The following MRPS28 variants were observed in gnomAD, a reference collection of about 807,000 sequenced individuals.
MRPS28 encodes the protein small ribosomal subunit protein bS1m.
A neutral mutation model predicts 10.8 loss-of-function variants in MRPS28; 7 were observed. The observed-to-expected ratio is 0.65, with a 90% CI of 0.37 to 1.22. The LOEUF (loss-of-function observed/expected upper bound fraction) is 1.22, where lower values mean the gene tolerates loss of function less well. Among genes scored for constraint, MRPS28 ranks in the 50% most tolerant of loss-of-function variants. The pLI is 0.02. For missense variants in MRPS28, 265 were observed against 232.9 expected (o/e 1.14, Z -0.90); for synonymous variants, 121 against 93.3 (o/e 1.30, Z -1.71).
At chr8:79,941,199 G>A (rs1806757527) in intron 2 of MRPS28, among the ~76,000 whole-genome samples, 1 of 152,074 alleles carries the variant, frequency 6.6e-6, no homozygotes, top group Non-Finnish European at 1.5e-5. Context: ...TCAACTCTAG[G>A]AAAGATCTGT....
intron 2 of MRPS28, among the ~76,000 whole-genome samples, chr8:79,930,801 A>G (rs1806441961): frequency 6.6e-6 from 1 of 152,194 alleles, no homozygotes; most frequent in Non-Finnish European, 1.5e-5. Context: ...CTTTGTTCTA[A>G]ATGCTAATAT....
chr8:79,995,950 A>C (rs1808491017), intron 2 of MRPS28, among the ~76,000 whole-genome samples: 1 of 152,194 alleles, frequency 6.6e-6, no homozygotes, highest in Non-Finnish European at 1.5e-5. Context: ...GAGATAACAC[A>C]AAACTGCAGA....
At chr8:80,018,675 T>C (rs1226100267) in intron 1 of MRPS28, among the ~76,000 whole-genome samples, 1 of 152,230 alleles carries the variant, frequency 6.6e-6, no homozygotes, top group Non-Finnish European at 1.5e-5. Context: ...GAAATCAGTA[T>C]ACTGAAGAGA....
chr8:79,946,574 T>C (rs918948648), intron 2 of MRPS28, among the ~76,000 whole-genome samples: 3 of 152,054 alleles, frequency 2.0e-5, no homozygotes, highest in African/African-American at 4.8e-5. Context: ...ATAGCTTACT[T>C]GGGGAAAAAA....
intron 1 of MRPS28, among the ~76,000 whole-genome samples, chr8:80,027,315 AT>A (rs1335247377): frequency 6.6e-6 from 1 of 152,228 alleles, no homozygotes; most frequent in African/African-American, 2.4e-5. Context: ...TTGAAGCATT[AT>A]CTCCACTTTG....
intron 2 of MRPS28, among the ~76,000 whole-genome samples, chr8:79,969,320 G>A (rs1347198818): frequency 6.6e-6 from 1 of 152,118 alleles, no homozygotes; most frequent in Non-Finnish European, 1.5e-5. Context: ...CACTTGATAG[G>A]AAGAAACAAT....
intron 2 of MRPS28, among the ~76,000 whole-genome samples, chr8:79,932,375 C>A (rs966338813): frequency 6.6e-6 from 1 of 152,106 alleles, no homozygotes; most frequent in Non-Finnish European, 1.5e-5. Flanking sequence ...AGAAAAGGAG[C>A]CAGCTGTGCA....
intron 2 of MRPS28, among the ~76,000 whole-genome samples, chr8:79,978,261 C>T (rs1807853769): frequency 6.6e-6 from 1 of 152,086 alleles, no homozygotes; most frequent in Non-Finnish European, 1.5e-5. Flanking sequence ...TAGGCTTATA[C>T]TTAATGTTTT....
At chr8:80,009,160 CA>C (rs1808953815) in intron 1 of MRPS28, among the ~76,000 whole-genome samples, 2 of 152,122 alleles carry the variant, frequency 1.3e-5, no homozygotes, top group South Asian at 4.1e-4. Context: ...TCATTCTCAG[CA>C]AACTATTGCA....
intron 1 of MRPS28, among the ~76,000 whole-genome samples, chr8:80,007,451 G>A (rs1808884806): frequency 2.0e-5 from 3 of 152,098 alleles, no homozygotes; most frequent in African/African-American, 7.2e-5. Context: ...GAAATAAAGG[G>A]TATTCAATTA....
At chr8:79,949,756 C>T (rs987518917) in intron 2 of MRPS28, among the ~76,000 whole-genome samples, 5 of 152,022 alleles carry the variant, frequency 3.3e-5, no homozygotes, top group Non-Finnish European at 7.4e-5. Flanking sequence ...TGTCAATGAA[C>T]ACCAAGTCTC....
At chr8:79,962,535 T>C (rs1807398618) in intron 2 of MRPS28, among the ~76,000 whole-genome samples, 2 of 152,236 alleles carry the variant, frequency 1.3e-5, no homozygotes, top group African/African-American at 4.8e-5. Flanking sequence ...GTCTTAAAAC[T>C]TTTCGTCTAT....
At chr8:79,919,191 A>C in intron 2 of MRPS28, 43 bp from the exon 3 acceptor site, 4 of 1,457,802 alleles carry the variant, frequency 2.7e-6, no homozygotes, top group Non-Finnish European at 3.7e-6. Flanking sequence ...TCTGAATATC[A>C]TAACATGAAC....
chr8:79,994,630 CCTTA>C (rs1180234806), intron 2 of MRPS28, among the ~76,000 whole-genome samples: 19 of 152,114 alleles, frequency 1.2e-4, no homozygotes, highest in Admixed American at 8.5e-4. Context: ...TCAGCAGCTT[CCTTA>C]CTAACTGCCC....
chr8:80,010,644 C>T (rs114151043), intron 1 of MRPS28, among the ~76,000 whole-genome samples: 2,400 of 152,292 alleles, frequency 0.016, 62 homozygotes, highest in African/African-American at 0.052. Flanking sequence ...TACTTATATG[C>T]AGGGGGATAA....
intron 2 of MRPS28, among the ~76,000 whole-genome samples, chr8:79,955,879 C>T (rs1247975938): frequency 1.3e-5 from 2 of 152,084 alleles, no homozygotes; most frequent in African/African-American, 4.8e-5. Context: ...CTGGACAGTA[C>T]TAAAAATGTT....
intron 1 of MRPS28, among the ~76,000 whole-genome samples, chr8:80,014,641 T>C (rs1373073922): frequency 5.9e-5 from 9 of 152,220 alleles, no homozygotes; most frequent in Non-Finnish European, 1.3e-4. Context: ...TTTTACAAGA[T>C]TGTTGTAAGG....
chr8:79,943,769 A>G (rs1356101982), intron 2 of MRPS28, among the ~76,000 whole-genome samples: 4 of 152,198 alleles, frequency 2.6e-5, no homozygotes, highest in East Asian at 1.9e-4. Flanking sequence ...CTAAATAGAG[A>G]TTATAAGCAG....
chr8:79,952,489 G>A (rs1442327260), intron 2 of MRPS28, among the ~76,000 whole-genome samples: 1 of 152,166 alleles, frequency 6.6e-6, no homozygotes, highest in Non-Finnish European at 1.5e-5. Flanking sequence ...TAGTTATCAT[G>A]AAGAGGTAGC....
Sources: allele counts gnomAD v4.1 joint callset (sites outside exome capture counted in the v4.1 genomes callset), GRCh38; gene constraint gnomAD v4.1.1; transcripts MANE v1.5; gene names NCBI Gene and HGNC (gene_info 2026-07-23, HGNC 2026-07-21).